MPPED2: variants seen among roughly 807,000 people sequenced by gnomAD.
The protein encoded by MPPED2 is metallophosphoesterase domain containing 2.
A neutral mutation model predicts 33.0 loss-of-function variants in MPPED2; 5 were observed. That is an observed-to-expected ratio of 0.15 (90% CI 0.08 to 0.32). MPPED2 has a LOEUF of 0.32. MPPED2 is among the 10% of genes least tolerant of loss of function. The pLI, the probability that MPPED2 is intolerant of heterozygous loss-of-function variation, is 1.00. For synonymous variants in MPPED2, 136 were observed against 141.9 expected (o/e 0.96, Z 0.29); for missense variants, 275 against 372.1 (o/e 0.74, Z 2.15).
At chr11:30,394,975 G>A (rs1248319780) in intron 6 of MPPED2, among the ~76,000 whole-genome samples, 1 of 152,068 alleles carries the variant, frequency 6.6e-6, no homozygotes, top group African/African-American at 2.4e-5. Context: ...TCTTTGAATT[G>A]TCTTTGCACC....
At chr11:30,424,838 T>C (rs1948760030) in intron 4 of MPPED2, among the ~76,000 whole-genome samples, 1 of 152,096 alleles carries the variant, frequency 6.6e-6, no homozygotes, top group South Asian at 2.1e-4. Flanking sequence ...CTTCACACCT[T>C]GTGCAGCAAA....
rs1221234803 is a variant in MPPED2 at position 30,388,981 on chromosome 11, G to A, written c.767-25C>T. Reference sequence around the variant, plus strand: ...ACTAAAGGGGAGAGAGAGAAAGAGAGAGGGAGAGAGAGAGAGAGATGAACA... The same window carrying A: ...ACTAAAGGGGAGAGAGAGAAAGAGAAAGGGAGAGAGAGAGAGAGATGAACA... On this transcript the variant is annotated intron_variant, in intron 6 of 6. Coordinates refer to the MPPED2 transcript ENST00000448418. 5.2e-6 allele frequency: 8 copies of A among 1,544,722 alleles called. 1 individual carries two copies. Among genetic ancestry groups the A allele is most frequent in the Non-Finnish European group, 6.1e-6 (7 of 1,144,696 alleles).
intron 2 of MPPED2, among the ~76,000 whole-genome samples, chr11:30,549,477 C>G (rs1428522513): frequency 6.6e-6 from 1 of 152,142 alleles, no homozygotes; most frequent in African/African-American, 2.4e-5. Context: ...CAAGTGAATG[C>G]TAAACTGTAA....
intron 3 of MPPED2, among the ~76,000 whole-genome samples, chr11:30,519,771 T>A (rs538511248): frequency 6.6e-6 from 1 of 152,200 alleles, no homozygotes; most frequent in Non-Finnish European, 1.5e-5. Context: ...TTATTACTAT[T>A]ACTACCACTA....
At chr11:30,436,182 G>A (rs746304465) in intron 4 of MPPED2, among the ~76,000 whole-genome samples, 2 of 150,570 alleles carry the variant, frequency 1.3e-5, no homozygotes, top group African/African-American at 2.4e-5. Flanking sequence ...ACTGTAAACC[G>A]CCAGAGGGGA....
intron 4 of MPPED2, among the ~76,000 whole-genome samples, chr11:30,467,836 C>T (rs1050853146): frequency 1.3e-5 from 2 of 152,164 alleles, no homozygotes; most frequent in Non-Finnish European, 2.9e-5. Context: ...GGGCTTTCAT[C>T]AAGAGATGCA....
At chr11:30,453,286 G>T (rs1409597245) in intron 4 of MPPED2, among the ~76,000 whole-genome samples, 8 of 152,170 alleles carry the variant, frequency 5.3e-5, no homozygotes, top group African/African-American at 1.7e-4. Context: ...TCCAGGTTCA[G>T]AAAGATACTA....
chr11:30,557,485 A>G (rs1956031186), intron 2 of MPPED2, among the ~76,000 whole-genome samples: 1 of 152,162 alleles, frequency 6.6e-6, no homozygotes, highest in African/African-American at 2.4e-5. Context: ...ACTATTGTAT[A>G]ATAAACAGAG....
rs1948122976 is a variant in MPPED2 at position 30,411,962 on chromosome 11, G to A, written c.767-376C>T. Reference sequence around the variant, plus strand: ...CTAGGGAATAAAATGAGTAATATAAGGATTACTCCTCAGGGGCAAACACAA... The same window carrying A: ...CTAGGGAATAAAATGAGTAATATAAAGATTACTCCTCAGGGGCAAACACAA... On this transcript the variant is annotated intron_variant, in intron 6 of 6. Transcript: ENST00000358117. Among the ~76,000 whole-genome samples, 2 of 151,740 alleles carry A rather than the reference G, an allele frequency of 1.3e-5. 1 individual carries two copies. Among genetic ancestry groups the A allele is most frequent in the Admixed American group, 1.3e-4 (2 of 15,222 alleles).
intron 4 of MPPED2, among the ~76,000 whole-genome samples, chr11:30,424,850 A>T (rs549333830): frequency 1.3e-5 from 2 of 152,136 alleles, no homozygotes; most frequent in African/African-American, 2.4e-5. Flanking sequence ...TGCAGCAAAG[A>T]GACACACACA....
At chr11:30,451,285 G>A (rs1451800161) in intron 4 of MPPED2, among the ~76,000 whole-genome samples, 1 of 152,030 alleles carries the variant, frequency 6.6e-6, no homozygotes, top group Non-Finnish European at 1.5e-5. Context: ...CCTTTTAGCT[G>A]CTTTTGTTAC....
At chr11:30,413,752 T>C (rs1235907294) in intron 6 of MPPED2, among the ~76,000 whole-genome samples, 1 of 152,236 alleles carries the variant, frequency 6.6e-6, no homozygotes, top group Non-Finnish European at 1.5e-5. Flanking sequence ...TGTCCTAAGC[T>C]ATTTTTCAGA....
intron 3 of MPPED2, among the ~76,000 whole-genome samples, chr11:30,510,275 TG>T (rs1369720651): frequency 6.6e-6 from 1 of 152,210 alleles, no homozygotes; most frequent in African/African-American, 2.4e-5. Flanking sequence ...TAATTTAAGA[TG>T]ATAGAAATTA....
At chr11:30,434,711 C>T (rs76189504) in intron 4 of MPPED2, among the ~76,000 whole-genome samples, 1 of 152,238 alleles carries the variant, frequency 6.6e-6, no homozygotes, top group Admixed American at 6.5e-5. Flanking sequence ...CTTAGATCAA[C>T]CTGGCACATA....
chr11:30,453,694 TG>T (rs1421548553), intron 4 of MPPED2, among the ~76,000 whole-genome samples: 2 of 152,234 alleles, frequency 1.3e-5, no homozygotes, highest in African/African-American at 4.8e-5. Flanking sequence ...GATTTCAAAA[TG>T]GTAGATCTCA....
At chr11:30,575,925 T>G (rs1159453819) in intron 2 of MPPED2, among the ~76,000 whole-genome samples, 1 of 152,200 alleles carries the variant, frequency 6.6e-6, no homozygotes, top group Non-Finnish European at 1.5e-5. Flanking sequence ...TTGCTGCTCA[T>G]AGCTCCATGA....
At chr11:30,428,225 G>A (rs891506861) in intron 4 of MPPED2, among the ~76,000 whole-genome samples, 6 of 152,240 alleles carry the variant, frequency 3.9e-5, no homozygotes, top group Admixed American at 2.6e-4. Flanking sequence ...TCTGTTGCTG[G>A]TATATATCTC....
At chr11:30,485,380 G>T (rs1951673721) in intron 4 of MPPED2, among the ~76,000 whole-genome samples, 1 of 69,786 alleles carries the variant, frequency 1.4e-5, no homozygotes, top group African/African-American at 3.6e-5. Context: ...ACATTTGACA[G>T]ATGAAACTGG....
chr11:30,530,068 A>G (rs1954431923), intron 3 of MPPED2, among the ~76,000 whole-genome samples: 1 of 152,206 alleles, frequency 6.6e-6, no homozygotes, highest in Non-Finnish European at 1.5e-5. Flanking sequence ...TGTTATACGT[A>G]AACTTTTGAC....
Sources: gnomAD v4.1 joint callset for allele counts (sites outside exome capture counted in the v4.1 genomes callset) on GRCh38, gnomAD v4.1.1 for gene constraint, MANE v1.5 for transcripts, NCBI Gene and HGNC (gene_info 2026-07-23, HGNC 2026-07-21) for gene names.